The following VPS13A variants were observed in gnomAD, a reference collection of about 807,000 sequenced individuals.
The protein encoded by VPS13A is intermembrane lipid transfer protein VPS13A.
VPS13A carries 264 observed loss-of-function variants against 390.9 expected under a neutral mutation model. The observed-to-expected ratio is 0.68, with a 90% confidence interval of 0.61 to 0.75. The LOEUF (loss-of-function observed/expected upper bound fraction) is 0.75, where lower values mean the gene tolerates loss of function less well. VPS13A is among the 30% of genes least tolerant of loss of function. VPS13A has a pLI of 0.00. For missense variants in VPS13A, 3,409 were observed against 3,733.9 expected (o/e 0.91, Z 2.27); for synonymous variants, 1,231 against 1,227.1 (o/e 1.00, Z -0.07).
chr9:77,231,879 C>T (rs1823851470), intron 17 of VPS13A, among the ~76,000 whole-genome samples: 1 of 152,128 alleles, frequency 6.6e-6, no homozygotes, highest in Non-Finnish European at 1.5e-5. Flanking sequence ...TTTTATACTT[C>T]TGTCGCTTAC....
chr9:77,221,005 G>A (rs990829430), intron 12 of VPS13A, among the ~76,000 whole-genome samples, 180 bp from the exon 13 acceptor site: 2 of 152,070 alleles, frequency 1.3e-5, no homozygotes, highest in African/African-American at 2.4e-5. Context: ...AAAGAGGAAA[G>A]ATTAATATTG....
chr9:77,316,204 TTAATGTTATTATTAA>T lies in VPS13A; in HGVS notation c.4662_4676del (p.Val1556_Asn1560del). On this transcript the variant is annotated inframe_deletion, in exon 39 of 72. Transcript: ENST00000360280. ...ACACAGGAATCAGTGAAGTGGGAAA[TTAATGTTATTATTAA>T]AAATCCTGAAATTGTGTTTGTAGCT... 1 of 1,612,484 alleles carries T rather than the reference TTAATGTTATTATTAA, an allele frequency of 6.2e-7. No homozygotes were observed. Among genetic ancestry groups the T allele is most frequent in the African/African-American group, 1.3e-5 (1 of 74,974 alleles).
At position 77,318,568 on chromosome 9, in the gene VPS13A, C is replaced by G. The variant is rs761696678; in HGVS notation, c.5290C>G (p.Leu1764Val). The G allele has an allele frequency of 1.2e-6, 2 of 1,613,720 alleles. No homozygotes were observed. Among genetic ancestry groups the G allele is most frequent in the East Asian group, 2.2e-5 (1 of 44,830 alleles). The change falls in exon 41 of 72, where the codon CTG becomes GTG. Residue 1764 changes from leucine (L) to valine (V), a missense_variant. Leu to Val is a conservative substitution (Grantham distance 32). Around this residue, in one of 5 missense-constraint regions of VPS13A, gnomAD observed 2,717 missense variants for 2,917.4 expected, o/e 0.93. Coordinates refer to ENST00000360280, the MANE Select transcript of VPS13A (RefSeq NM_033305.3). ...EGKNWSSLIN[L>V]HCQLELEVHY... ...CAAAAACTGGAGTTCCCTAATAAAT[C>G]TGCACTGTCAGCTTGAGCTAGAAGT...
At chr9:77,408,200 T>G (rs1834720582) in intron 71 of VPS13A, among the ~76,000 whole-genome samples, 1 of 152,212 alleles carries the variant, frequency 6.6e-6, no homozygotes, top group African/African-American at 2.4e-5. Context: ...ATGTGCACTG[T>G]CAAGAAAATG....
intron 22 of VPS13A, among the ~76,000 whole-genome samples, chr9:77,259,098 T>G (rs1190874387): frequency 6.6e-6 from 1 of 152,170 alleles, no homozygotes; most frequent in African/African-American, 2.4e-5. Flanking sequence ...GTTATTTGGT[T>G]TCTATTTTAT....
intron 65 of VPS13A, 148 bp from the exon 66 acceptor site, chr9:77,370,742 C>A (rs1587676843): frequency 8.5e-7 from 1 of 1,170,782 alleles, no homozygotes; most frequent in Non-Finnish European, 1.2e-6. Context: ...GCCTCTAAAA[C>A]ATTCTGTTTA....
intron 1 of VPS13A, among the ~76,000 whole-genome samples, chr9:77,188,540 A>G (rs1032751193): frequency 5.9e-5 from 9 of 152,100 alleles, no homozygotes; most frequent in African/African-American, 2.2e-4. Context: ...TGTTGATTCC[A>G]TGTCTTTGCT....
chr9:77,210,521 G>T, intron 6 of VPS13A, 95 bp from the exon 7 acceptor site: 1 of 1,227,062 alleles, frequency 8.1e-7, no homozygotes, highest in Non-Finnish European at 1.2e-6. Context: ...TGGGATTACA[G>T]ATGGGAGCCG....
At position 77,344,993 on chromosome 9, in the gene VPS13A, TTTTTCTTTC is replaced by T. The variant is rs1831068949; in HGVS notation, c.7156-13_7156-5del. 1 of 1,608,946 alleles carries T rather than the reference TTTTTCTTTC, an allele frequency of 6.2e-7. No individual in the cohort carries two copies. The highest frequency in any genetic ancestry group is 1.1e-5 in the South Asian group (1 of 91,030). ...AAAATGATTACATTAAAATGTTTTC[TTTTTCTTTC>T]TTCTAGCTTGGAGGTATTATAGCAG... On this transcript the variant is annotated splice_region_variant and splice_polypyrimidine_tract_variant and intron_variant, in intron 51 of 71. Transcript: ENST00000360280.
Position 77,201,407 on chromosome 9 carries a change from G to A in VPS13A, c.187G>A (p.Gly63Ser). The A allele has an allele frequency of 6.2e-7, 1 of 1,610,412 alleles. No individual in the cohort carries two copies. The highest frequency in any genetic ancestry group is 8.5e-7 in the Non-Finnish European group (1 of 1,176,954). The change falls in exon 3 of 72, where the codon GGT becomes AGT. Residue 63 changes from glycine (G) to serine (S), a missense_variant and splice_region_variant. By Grantham distance (56) the Gly-to-Ser change is moderately conservative. This residue lies in a region of VPS13A where 2,717 missense variants were observed against 2,917.4 expected (regional missense o/e 0.93). Coordinates refer to ENST00000360280, the MANE Select transcript of VPS13A (RefSeq NM_033305.3). ...VPFKVKVGHI[G>S]NLKLIIPWKN... is the part of the protein sequence containing the mutation. The stretch of plus-strand genomic sequence containing the variant: ...ATTTAAAGTTAAAGTTGGTCACATA[G>A]GTAAGCCATATTCATTATTGGGATA...
chr9:77,372,675 G>T (rs915409542), intron 67 of VPS13A, among the ~76,000 whole-genome samples: 1 of 152,080 alleles, frequency 6.6e-6, no homozygotes, highest in Non-Finnish European at 1.5e-5. Context: ...TATTCAGTTA[G>T]GAAAAGAGGA....
intron 19 of VPS13A, among the ~76,000 whole-genome samples, chr9:77,242,121 TG>T (rs1162381878): frequency 1.3e-5 from 2 of 152,158 alleles, no homozygotes; most frequent in Non-Finnish European, 2.9e-5. Flanking sequence ...CACTTCTAAT[TG>T]AACTCAGAAT....
At chr9:77,189,768 C>T (rs1824563735) in intron 1 of VPS13A, among the ~76,000 whole-genome samples, 2 of 152,056 alleles carry the variant, frequency 1.3e-5, no homozygotes, top group Admixed American at 1.3e-4. Flanking sequence ...TGTGTTGTCT[C>T]TGATTTCTTT....
intron 61 of VPS13A, 96 bp downstream of exon 61, chr9:77,366,968 G>A: frequency 1.5e-6 from 2 of 1,297,982 alleles, no homozygotes; most frequent in Non-Finnish European, 2.1e-6. Flanking sequence ...GAAGTACGTT[G>A]CAGATCATAG....
chr9:77,185,237 G>A (rs1824263887), intron 1 of VPS13A, among the ~76,000 whole-genome samples: 1 of 152,070 alleles, frequency 6.6e-6, no homozygotes, highest in Non-Finnish European at 1.5e-5. Flanking sequence ...CGCCTCCCGG[G>A]TTCAAGTGAT....
intron 31 of VPS13A, among the ~76,000 whole-genome samples, chr9:77,292,681 G>A (rs1415096899): frequency 6.6e-6 from 1 of 152,094 alleles, no homozygotes; most frequent in African/African-American, 2.4e-5. Flanking sequence ...CTTGCTTCTA[G>A]CATTTAGGAG....
chr9:77,394,511 T>C (rs1371474670), intron 68 of VPS13A, among the ~76,000 whole-genome samples: 2 of 152,152 alleles, frequency 1.3e-5, no homozygotes, highest in Non-Finnish European at 1.5e-5. Context: ...CAAGTCCAGG[T>C]TGAGCAAAAC....
chr9:77,267,549 A>G (rs1039233595), intron 23 of VPS13A, among the ~76,000 whole-genome samples: 7 of 152,196 alleles, frequency 4.6e-5, no homozygotes, highest in Non-Finnish European at 8.8e-5. Context: ...GCTTCGTCCC[A>G]GAGGGGCACA....
Position 77,340,201 on chromosome 9 carries a change from T to C in VPS13A, c.6798T>C (p.Ser2266=), listed in dbSNP as rs2131507286. ...AGGTTCAACTTATGGTAACTGATAGTGAGTTGTCCAATCAGTTTTCAATTG... is the reference window on the plus strand; with the variant it reads ...AGGTTCAACTTATGGTAACTGATAGCGAGTTGTCCAATCAGTTTTCAATTG... ...NNKVQLMVTD[S]ELSNQFSIDT... The change falls in exon 49 of 72, where the codon AGT becomes AGC. Residue 2266 remains serine (S), a synonymous_variant. Coordinates refer to ENST00000360280, the MANE Select transcript of VPS13A (RefSeq NM_033305.3). 3.1e-6 allele frequency: 5 copies of C among 1,613,240 alleles called. No individual in the cohort carries two copies. The highest frequency in any genetic ancestry group is 3.4e-6 in the Non-Finnish European group (4 of 1,179,556).
Sources: allele counts gnomAD v4.1 joint callset (sites outside exome capture counted in the v4.1 genomes callset), GRCh38; gene constraint gnomAD v4.1.1; regional missense constraint gnomAD v4.1.1; transcripts MANE v1.5; gene names NCBI Gene and HGNC (gene_info 2026-07-23, HGNC 2026-07-21).